The following PLCL1 variants were observed in gnomAD, a reference collection of about 807,000 sequenced individuals.
The protein encoded by PLCL1 is inactive phospholipase C-like protein 1.
PLCL1 carries 41 observed loss-of-function variants against 84.4 expected under a neutral mutation model. That is an observed-to-expected ratio of 0.49 (90% confidence interval 0.38 to 0.63). The LOEUF (loss-of-function observed/expected upper bound fraction) is 0.63. Among genes scored for constraint, PLCL1 ranks in the 30% least tolerant of loss-of-function variants. PLCL1 has a pLI of 0.00. For missense variants in PLCL1, 1,206 were observed against 1,367.8 expected, an observed-to-expected ratio of 0.88 and a Z score of 1.87; for synonymous variants, 490 against 488.3, an observed-to-expected ratio of 1.00 and a Z score of -0.05.
intron 1 of PLCL1, among the ~76,000 whole-genome samples, chr2:198,065,709 C>G (rs1692307862): frequency 6.6e-6 from 1 of 152,134 alleles, no homozygotes; most frequent in Non-Finnish European, 1.5e-5. Context: ...TTTAATAGAA[C>G]TTAAAGGGCC....
In PLCL1 at chr2:197,926,052, T is replaced by A. The variant is rs539110506; in HGVS notation, c.240+120713T>A. ...TGAGGGGGTCTTGTTTTCCCTCTCA[T>A]CTTTATGAATCCTTACTTGCTGCTC... On this transcript the variant is annotated intron_variant, in intron 1 of 5. Coordinates refer to ENST00000428675, the MANE Select transcript of PLCL1 (RefSeq NM_006226.4). Among the ~76,000 whole-genome samples, 12 of 152,342 alleles carry A rather than the reference T, an allele frequency of 7.9e-5. No homozygotes were observed. In the East Asian group the frequency reaches 2.3e-3, roughly 29 times the overall value.
At chr2:197,920,741 A>G (rs1234611978) in intron 1 of PLCL1, among the ~76,000 whole-genome samples, 2 of 152,186 alleles carry the variant, frequency 1.3e-5, no homozygotes, top group African/African-American at 4.8e-5. Context: ...GACTTGGCAT[A>G]TTTTCTATAA....
At chr2:198,023,355 T>G (rs1347171205) in intron 1 of PLCL1, among the ~76,000 whole-genome samples, 1 of 152,112 alleles carries the variant, frequency 6.6e-6, no homozygotes, top group Non-Finnish European at 1.5e-5. Context: ...ACTTCAAGAC[T>G]AAAACACCAA....
At chr2:197,897,191 C>CTTCTCCTT (rs1688165568) in intron 1 of PLCL1, among the ~76,000 whole-genome samples, 6 of 32,232 alleles carry the variant, frequency 1.9e-4, no homozygotes, top group Admixed American at 7.3e-4. Flanking sequence ...TTCTTCTTCT[C>CTTCTCCTT]CTTCTCCTTC....
At chr2:198,101,500 T>C in intron 4 of PLCL1, 140 bp downstream of exon 4, 1 of 603,030 alleles carries the variant, frequency 1.7e-6, no homozygotes, top group Non-Finnish European at 2.9e-6. Flanking sequence ...TAACTATACT[T>C]TAAGTTACAC....
chr2:197,942,733 G>C (rs1313335941), intron 1 of PLCL1, among the ~76,000 whole-genome samples: 2 of 152,174 alleles, frequency 1.3e-5, no homozygotes, highest in African/African-American at 2.4e-5. Context: ...CAGAAGTACT[G>C]TCCTGATTTA....
chr2:197,848,212 T>G (rs915246568), intron 1 of PLCL1, among the ~76,000 whole-genome samples: 4 of 152,164 alleles, frequency 2.6e-5, no homozygotes, highest in Admixed American at 6.5e-5. Flanking sequence ...ACAATGGGTT[T>G]GGGAGCACCC....
At chr2:198,087,036 C>A (rs926742658) in intron 2 of PLCL1, among the ~76,000 whole-genome samples, 1 of 152,096 alleles carries the variant, frequency 6.6e-6, no homozygotes, top group African/African-American at 2.4e-5. Context: ...TTACTCCCCA[C>A]AAGAACAAGT....
chr2:197,947,872 T>A (rs1689312929), intron 1 of PLCL1, among the ~76,000 whole-genome samples: 1 of 152,158 alleles, frequency 6.6e-6, no homozygotes, highest in African/African-American at 2.4e-5. Context: ...CTGAGAATGA[T>A]GGATAGGGGT....
At chr2:198,108,009 T>A (rs1429668597) in intron 5 of PLCL1, among the ~76,000 whole-genome samples, 2 of 151,916 alleles carry the variant, frequency 1.3e-5, no homozygotes, top group Non-Finnish European at 2.9e-5. Flanking sequence ...CTGGGCTCTG[T>A]TGGAGACTTT....
intron 1 of PLCL1, among the ~76,000 whole-genome samples, chr2:197,832,475 T>C (rs567468441): frequency 7.2e-5 from 11 of 152,328 alleles, no homozygotes; most frequent in African/African-American, 2.2e-4. Flanking sequence ...AATTCCTGAA[T>C]AGACCAATAA....
At chr2:197,816,809 C>A (rs1690699090) in intron 1 of PLCL1, among the ~76,000 whole-genome samples, 1 of 152,094 alleles carries the variant, frequency 6.6e-6, no homozygotes. Context: ...GATATAGTGC[C>A]TTACATGTAG....
At chr2:197,896,949 T>TA (rs1640515580) in intron 1 of PLCL1, among the ~76,000 whole-genome samples, 1 of 152,028 alleles carries the variant, frequency 6.6e-6, no homozygotes, top group South Asian at 2.1e-4. Flanking sequence ...AGAAAGAAGA[T>TA]AAAAACCCCT....
Position 198,084,765 on chromosome 2 carries a change from T to C in PLCL1, c.1248T>C (p.Tyr416=). 4.3e-6 allele frequency: 7 copies of C among 1,614,062 alleles called. No homozygotes were observed. The highest frequency in any genetic ancestry group is 5.1e-6 in the Non-Finnish European group (6 of 1,179,980). ...HYYINASHNT[Y]LIEDQFRGPA... Reference sequence around the variant, plus strand: ...ATATCAATGCCTCTCATAACACCTATCTAATAGAAGACCAGTTCAGGGGGC... The same window carrying C: ...ATATCAATGCCTCTCATAACACCTACCTAATAGAAGACCAGTTCAGGGGGC... The change falls in exon 2 of 6, where the codon TAT becomes TAC. Residue 416 remains tyrosine (Y), a synonymous_variant. Transcript: ENST00000428675.
intron 1 of PLCL1, among the ~76,000 whole-genome samples, chr2:198,041,242 C>G (rs1356388248): frequency 6.6e-6 from 1 of 152,186 alleles, no homozygotes; most frequent in Non-Finnish European, 1.5e-5. Context: ...TTTTACTTAG[C>G]TCTGCTGCTC....
intron 1 of PLCL1, among the ~76,000 whole-genome samples, chr2:198,050,361 T>C (rs1574274374): frequency 1.3e-5 from 2 of 152,126 alleles, no homozygotes; most frequent in East Asian, 1.9e-4. Context: ...AATATGTAGA[T>C]ACTTGAGGAT....
chr2:198,067,612 A>C (rs1692352127), intron 1 of PLCL1, among the ~76,000 whole-genome samples: 1 of 152,176 alleles, frequency 6.6e-6, no homozygotes, highest in Non-Finnish European at 1.5e-5. Flanking sequence ...AGAAAAGCAT[A>C]GTAGTAAAAT....
At chr2:197,841,990 C>T (rs1300868004) in intron 1 of PLCL1, among the ~76,000 whole-genome samples, 3 of 152,100 alleles carry the variant, frequency 2.0e-5, no homozygotes, top group Non-Finnish European at 4.4e-5. Flanking sequence ...GTAAAAACTG[C>T]TCAGAAGGTT....
chr2:197,859,558 T>C (rs947707760), intron 1 of PLCL1, among the ~76,000 whole-genome samples: 2 of 152,164 alleles, frequency 1.3e-5, no homozygotes, highest in Admixed American at 1.3e-4. Context: ...TGGCCAACTA[T>C]GGACCACACA....
Sources: allele counts gnomAD v4.1 joint callset (sites outside exome capture counted in the v4.1 genomes callset), GRCh38; gene constraint gnomAD v4.1.1; transcripts MANE v1.5; gene names NCBI Gene and HGNC (gene_info 2026-07-23, HGNC 2026-07-21).